Variants in MICU1 observed in about 807,000 individuals in gnomAD.
The protein encoded by MICU1 is calcium uptake protein 1, mitochondrial.
In MICU1, 45 loss-of-function variants were observed where a neutral mutation model predicts 56.8. That is an observed-to-expected ratio of 0.79 (90% CI 0.62 to 1.02). The LOEUF is 1.02. MICU1 is among the 50% of genes least tolerant of loss of function. MICU1 has a pLI of 0.00. For synonymous variants in MICU1, 186 were observed against 195.1 expected (o/e 0.95, Z 0.39); for missense variants, 504 against 587.1 (o/e 0.86, Z 1.46).
chr10:72,497,545 C>T lies in MICU1; in HGVS notation c.652+10610G>A, dbSNP rs79642159. Reference sequence around the variant, plus strand: ...ATGTGAAAATGTGGGGCTCGCAGACCAAAAGCAAACATCATCTTTAAATAT... The same window carrying T: ...ATGTGAAAATGTGGGGCTCGCAGACTAAAAGCAAACATCATCTTTAAATAT... On this transcript the variant is annotated intron_variant, in intron 6 of 11. Coordinates refer to ENST00000361114, the MANE Select transcript of MICU1 (RefSeq NM_001195518.2). Among the ~76,000 whole-genome samples, 412 of 152,250 alleles carry T rather than the reference C, an allele frequency of 2.7e-3. 3 individuals are homozygous for T. The highest frequency in any genetic ancestry group is 9.3e-3 in the African/African-American group (388 of 41,522).
chr10:72,469,148 A>G (rs1401610775), intron 8 of MICU1, among the ~76,000 whole-genome samples: 1 of 152,230 alleles, frequency 6.6e-6, no homozygotes, highest in Non-Finnish European at 1.5e-5. Flanking sequence ...TGCCTGGCTC[A>G]TAGTAGGTAC....
intron 5 of MICU1, among the ~76,000 whole-genome samples, chr10:72,519,039 G>A (rs1867742121): frequency 6.6e-6 from 1 of 152,180 alleles, no homozygotes; most frequent in Non-Finnish European, 1.5e-5. Context: ...GCATTATGTT[G>A]TTTTATGTGG....
rs776507756 is a variant in MICU1 at position 72,566,654 on chromosome 10, C to G, written c.140G>C (p.Ser47Thr). ...AFLGASAVTA[S>T]TGLLWKRAHA... The stretch of plus-strand genomic sequence containing the variant: ...TCACCTCTTCCACAAAAGACCAGTA[C>G]TTGCAGTTACTGCAGATGCTCCCAG... Residue 47 changes from serine to threonine, a missense_variant, in exon 2 of 12, where the codon AGT becomes ACT. Transcript: ENST00000361114. 3.1e-6 allele frequency: 5 copies of G among 1,612,836 alleles called. No individual in the cohort carries two copies. The highest frequency in any genetic ancestry group is 4.2e-6 in the Non-Finnish European group (5 of 1,179,390).
In MICU1 at chr10:72,368,253, T is replaced by G. The variant is rs769314310; in HGVS notation, c.1373A>C (p.Gln458Pro). The change falls in exon 12 of 12, where the codon CAG becomes CCG. Residue 458 changes from glutamine (Q) to proline (P), a missense_variant. Coordinates refer to ENST00000361114, the MANE Select transcript of MICU1 (RefSeq NM_001195518.2). Reference protein sequence around the residue: ...PKDMGFTRLMQAMWKCAQETA... With the variant: ...PKDMGFTRLMPAMWKCAQETA... ...TTCCTGTGCACATTTCCACATGGCC[T>G]GCATGAGGCGAGTGAAACCCATGTC... 6.2e-7 allele frequency: 1 copy of G among 1,613,978 alleles called. No homozygotes were observed. Among genetic ancestry groups the G allele is most frequent in the East Asian group, 2.2e-5 (1 of 44,874 alleles).
At chr10:72,502,167 T>A (rs10823930) in intron 6 of MICU1, among the ~76,000 whole-genome samples, 3 of 146,950 alleles carry the variant, frequency 2.0e-5, no homozygotes, top group South Asian at 2.1e-4. Flanking sequence ...TGTTTTTTTT[T>A]TTTTTTTGAG....
intron 1 of MICU1, among the ~76,000 whole-genome samples, chr10:72,585,872 C>A (rs1350813907): frequency 5.3e-5 from 8 of 151,872 alleles, no homozygotes; most frequent in Non-Finnish European, 5.9e-5. Flanking sequence ...CTATGCACAT[C>A]CTGTCATATA....
chr10:72,556,222 CT>C (rs1379649098), intron 3 of MICU1, among the ~76,000 whole-genome samples: 3 of 152,194 alleles, frequency 2.0e-5, no homozygotes, highest in African/African-American at 7.2e-5. Flanking sequence ...TAATGAGCAT[CT>C]GTCATAGGAT....
intron 8 of MICU1, among the ~76,000 whole-genome samples, chr10:72,457,692 G>C (rs1223983698): frequency 2.6e-5 from 4 of 152,026 alleles, no homozygotes; most frequent in Admixed American, 6.6e-5. Context: ...AGGGGTGGGA[G>C]GGAGAGGGAG....
intron 8 of MICU1, among the ~76,000 whole-genome samples, chr10:72,440,732 G>A (rs1831611898): frequency 6.6e-6 from 1 of 152,080 alleles, no homozygotes; most frequent in Non-Finnish European, 1.5e-5. Context: ...ATCAAAAAGT[G>A]GGCAAAGGAT....
chr10:72,386,551 C>T (rs1862896028), intron 10 of MICU1, among the ~76,000 whole-genome samples: 1 of 141,522 alleles, frequency 7.1e-6, no homozygotes, highest in African/African-American at 2.6e-5. Flanking sequence ...TCATCCCCCG[C>T]CACCTATTTT....
At chr10:72,421,378 G>A (rs1006912021) in intron 9 of MICU1, among the ~76,000 whole-genome samples, 4 of 151,950 alleles carry the variant, frequency 2.6e-5, no homozygotes, top group African/African-American at 9.7e-5. Flanking sequence ...GGGTTCAAGC[G>A]ATTCTCCTGC....
At chr10:72,447,816 G>A (rs750647549) in intron 8 of MICU1, among the ~76,000 whole-genome samples, 21 of 152,114 alleles carry the variant, frequency 1.4e-4, no homozygotes, top group Non-Finnish European at 2.8e-4. Flanking sequence ...ATATTAGAAC[G>A]ATAAAACAGT....
rs183571974 is a variant in MICU1 at position 72,550,885 on chromosome 10, T to C, written c.493+294A>G. Among the ~76,000 whole-genome samples the C allele has an allele frequency of 1.3e-3, 199 of 152,326 alleles. 1 individual carries two copies. Among genetic ancestry groups the C allele is most frequent in the Non-Finnish European group, 3.4e-4 (23 of 68,020 alleles). ...TTTTCCTCACTAAAGAGTGACTTGA[T>C]AGCAGTTGTATGTGTAATGTATTGC... On this transcript the variant is annotated intron_variant, in intron 4 of 11. Transcript: ENST00000361114.
rs539293418 is a variant in MICU1, at chr10:72,588,827, C to CATTA, written c.-1-22037_-1-22034dup. 1.2e-3 allele frequency among the ~76,000 whole-genome samples: 179 copies of CATTA among 152,260 alleles called. 1 individual carries two copies. The highest frequency in any genetic ancestry group is 2.1e-3 in the Non-Finnish European group (140 of 68,024). On this transcript the variant is annotated intron_variant, in intron 1 of 11. Coordinates refer to ENST00000361114, the MANE Select transcript of MICU1 (RefSeq NM_001195518.2). ...TATGACAACCAAAAATGTCTTTAGA[C>CATTA]ATTAACAAGCTCCCCTTGGGGGAAA...
At chr10:72,583,238 A>G (rs1840952783) in intron 1 of MICU1, among the ~76,000 whole-genome samples, 1 of 151,700 alleles carries the variant, frequency 6.6e-6, no homozygotes, top group Admixed American at 6.6e-5. Context: ...TACTTAGGGT[A>G]GGAAAGCGCT....
chr10:72,554,832 T>C (rs1026974573), intron 3 of MICU1, among the ~76,000 whole-genome samples: 1 of 152,140 alleles, frequency 6.6e-6, no homozygotes, highest in Non-Finnish European at 1.5e-5. Flanking sequence ...CTGGCCAACA[T>C]GGTGAAACCC....
rs562862609 is a variant in MICU1, at chr10:72,474,858, C to A, written c.933+242G>T. The stretch of plus-strand genomic sequence containing the variant: ...TTTCTTTCTCCACAAACGGAACATA[C>A]AAAGACAGCTAAGATTTTTCAATTT... On this transcript the variant is annotated intron_variant, in intron 8 of 11. Transcript: ENST00000361114. Among the ~76,000 whole-genome samples the A allele has an allele frequency of 5.3e-5, 8 of 152,270 alleles. No individual in the cohort carries two copies. The East Asian group carries it at 1.5e-3, about 29-fold the overall frequency.
chr10:72,369,979 T>C (rs1481353165), intron 11 of MICU1, among the ~76,000 whole-genome samples: 2 of 84 alleles, frequency 0.024, no homozygotes, highest in Admixed American at 0.17. Flanking sequence ...TCCAGGTTCA[T>C]GCCATTCTCT....
At chr10:72,471,930 TTG>T (rs58543867) in intron 8 of MICU1, among the ~76,000 whole-genome samples, 4 of 150,374 alleles carry the variant, frequency 2.7e-5, no homozygotes, top group Admixed American at 6.6e-5. Context: ...CACTATGCCT[TTG>T]TGTGTGTGTG....
Sources: allele counts gnomAD v4.1 joint callset (sites outside exome capture counted in the v4.1 genomes callset), GRCh38; gene constraint gnomAD v4.1.1; transcripts MANE v1.5; gene names NCBI Gene and HGNC (gene_info 2026-07-23, HGNC 2026-07-21).